The following FGF14 variants were observed in gnomAD, a reference collection of about 807,000 sequenced individuals.
FGF14 encodes fibroblast growth factor homologous factor 4.
Under a neutral mutation model 25.5 loss-of-function variants are expected in FGF14, and 5 were observed. That is an observed-to-expected ratio of 0.20 (90% confidence interval 0.10 to 0.41). The LOEUF is 0.41. FGF14 is among the 10% of genes least tolerant of loss of function. FGF14 has a pLI of 1.00. For synonymous variants in FGF14, 138 were observed against 118.3 expected (o/e 1.17, Z -1.08); for missense variants, 222 against 320.1 (o/e 0.69, Z 2.34).
At chr13:101,882,530 C>G (rs571780892) in intron 1 of FGF14, among the ~76,000 whole-genome samples, 3 of 147,340 alleles carry the variant, frequency 2.0e-5, no homozygotes, top group Admixed American at 2.0e-4. Flanking sequence ...GGAACTTTGT[C>G]TGAAAAAAAT....
intron 1 of FGF14, among the ~76,000 whole-genome samples, chr13:102,342,234 C>T (rs9557856): frequency 0.033 from 5,028 of 152,116 alleles, 256 homozygotes; most frequent in East Asian, 0.27. Flanking sequence ...GGAAAGTAAG[C>T]GGTGGCATAA....
At chr13:102,004,436 T>C (rs2039672527) in intron 1 of FGF14, among the ~76,000 whole-genome samples, 1 of 152,194 alleles carries the variant, frequency 6.6e-6, no homozygotes. Context: ...GAGCCTTCTT[T>C]TGAAACCAGA....
At chr13:102,062,802 G>GA (rs2042745997) in intron 1 of FGF14, among the ~76,000 whole-genome samples, 1 of 152,154 alleles carries the variant, frequency 6.6e-6, no homozygotes. Context: ...TCAATGATAA[G>GA]AAAAAATGTG....
intron 1 of FGF14, among the ~76,000 whole-genome samples, chr13:102,237,480 G>T (rs936764787): frequency 6.6e-6 from 1 of 151,788 alleles, no homozygotes; most frequent in Non-Finnish European, 1.5e-5. Flanking sequence ...AGTGGTGAAT[G>T]TCACAGCTCA....
intron 1 of FGF14, among the ~76,000 whole-genome samples, chr13:102,182,485 A>G (rs1227149867): frequency 6.6e-6 from 1 of 152,142 alleles, no homozygotes; most frequent in Non-Finnish European, 1.5e-5. Flanking sequence ...GCAACAGAAA[A>G]CTAATACAAT....
At chr13:102,299,399 C>G (rs895989526) in intron 1 of FGF14, among the ~76,000 whole-genome samples, 4 of 152,224 alleles carry the variant, frequency 2.6e-5, no homozygotes, top group African/African-American at 9.6e-5. Flanking sequence ...AAAAGCAGTG[C>G]TTCTTAGGAT....
At chr13:101,995,970 C>T (rs972638632) in intron 1 of FGF14, among the ~76,000 whole-genome samples, 4 of 152,090 alleles carry the variant, frequency 2.6e-5, no homozygotes, top group African/African-American at 9.7e-5. Context: ...TCAATAATAA[C>T]TTAATTACAC....
At chr13:102,195,740 C>A (rs2049318252) in intron 1 of FGF14, among the ~76,000 whole-genome samples, 4 of 134,870 alleles carry the variant, frequency 3.0e-5, no homozygotes, top group Admixed American at 2.4e-4. Context: ...TGCAGTGAGC[C>A]AAGATCACAC....
intron 1 of FGF14, among the ~76,000 whole-genome samples, chr13:102,135,948 G>A (rs778839274): frequency 2.6e-5 from 4 of 152,094 alleles, no homozygotes; most frequent in Admixed American, 6.5e-5. Flanking sequence ...GAGCCACCAC[G>A]CCCGGCCCCC....
chr13:102,256,329 C>T (rs2052436260), intron 1 of FGF14, among the ~76,000 whole-genome samples: 1 of 150,226 alleles, frequency 6.7e-6, no homozygotes, highest in Admixed American at 6.6e-5. Flanking sequence ...CCCATCTCTA[C>T]AAAAAAAAAT....
At chr13:102,189,000 GA>G (rs1163699889) in intron 1 of FGF14, among the ~76,000 whole-genome samples, 1 of 77,484 alleles carries the variant, frequency 1.3e-5, no homozygotes, top group East Asian at 3.1e-4. Context: ...AAGAAAGAAA[GA>G]AAGAAAGAGA....
chr13:102,252,150 G>A (rs1008794900), intron 1 of FGF14, among the ~76,000 whole-genome samples: 23 of 152,172 alleles, frequency 1.5e-4, no homozygotes, highest in African/African-American at 4.3e-4. Flanking sequence ...AAAAGAAAAT[G>A]AGCCACTTGC....
At chr13:101,954,543 G>A (rs1037545713) in intron 1 of FGF14, among the ~76,000 whole-genome samples, 2 of 152,230 alleles carry the variant, frequency 1.3e-5, no homozygotes, top group African/African-American at 4.8e-5. Flanking sequence ...ATAAAGATCT[G>A]AGACACATTA....
chr13:102,033,239 T>C (rs1027753549), intron 1 of FGF14, among the ~76,000 whole-genome samples: 1 of 152,072 alleles, frequency 6.6e-6, no homozygotes, highest in African/African-American at 2.4e-5. Context: ...TAACTAACCA[T>C]GGAAAATCAT....
chr13:102,017,817 C>T (rs116301740), intron 1 of FGF14, among the ~76,000 whole-genome samples: 25 of 152,118 alleles, frequency 1.6e-4, no homozygotes, highest in African/African-American at 4.3e-4. Flanking sequence ...TCTTTTTGGT[C>T]GTTTGGACTG....
intron 1 of FGF14, among the ~76,000 whole-genome samples, chr13:102,303,498 A>C (rs939587112): frequency 1.3e-5 from 2 of 152,196 alleles, no homozygotes; most frequent in Admixed American, 1.3e-4. Context: ...ATTGAGTGGA[A>C]ATTTTAAAAA....
At position 101,722,782 on chromosome 13, in the gene FGF14, A is replaced by T. The variant is rs777027772; in HGVS notation, c.*49T>A. 1 of 1,610,350 alleles carries T rather than the reference A, an allele frequency of 6.2e-7. No individual in the cohort carries two copies. The highest frequency in any genetic ancestry group is 1.7e-5 in the Admixed American group (1 of 59,844). On this transcript the variant is annotated 3_prime_UTR_variant, in exon 5 of 5. Transcript: ENST00000376143. ...CAGGAATGTCTGGTGAGGATAAATC[A>T]CTCAACTGTGCTCAGGACGAATAAG...
chr13:102,122,898 A>C (rs1566714716), intron 1 of FGF14, among the ~76,000 whole-genome samples: 1 of 152,170 alleles, frequency 6.6e-6, no homozygotes, highest in Non-Finnish European at 1.5e-5. Context: ...AGTGTAAAAA[A>C]ATTGCTCCAA....
chr13:102,393,370 G>GT (rs1030705692), intron 1 of FGF14, among the ~76,000 whole-genome samples: 13 of 151,870 alleles, frequency 8.6e-5, no homozygotes, highest in Admixed American at 7.9e-4. Flanking sequence ...TTTGTTTTTT[G>GT]TTTTTTTGAG....
Sources: allele counts gnomAD v4.1 joint callset (sites outside exome capture counted in the v4.1 genomes callset), GRCh38; gene constraint gnomAD v4.1.1; transcripts MANE v1.5; gene names NCBI Gene and HGNC (gene_info 2026-07-23, HGNC 2026-07-21).